BCL2L13: variants seen among roughly 807,000 people sequenced by gnomAD.
BCL2L13 encodes the protein BCL2 like 13, also known as bcl-2-like protein 13.
BCL2L13 carries 13 observed loss-of-function variants against 25.8 expected under a neutral mutation model. The observed-to-expected ratio is 0.50, with a 90% CI of 0.33 to 0.80. BCL2L13 has a LOEUF of 0.80. Ranked by LOEUF, BCL2L13 falls within the 30% of genes least tolerant of loss-of-function variation. The pLI, the probability that BCL2L13 is intolerant of heterozygous loss-of-function variation, is 0.02. For missense variants in BCL2L13, 504 were observed against 574.9 expected, an observed-to-expected ratio of 0.88 and a Z score of 1.26; for synonymous variants, 244 against 230.3, an observed-to-expected ratio of 1.06 and a Z score of -0.54.
intron 1 of BCL2L13, among the ~76,000 whole-genome samples, chr22:17,631,706 A>ATATATT (rs1568904043): frequency 9.1e-5 from 1 of 10,932 alleles, no homozygotes; most frequent in Non-Finnish European, 1.7e-4. Context: ...ATATATATAT[A>ATATATT]TTTTTTTTTT....
chr22:17,666,699 T>TA (rs71201862), intron 2 of BCL2L13, among the ~76,000 whole-genome samples: 3 of 150,756 alleles, frequency 2.0e-5, no homozygotes, highest in Non-Finnish European at 4.4e-5. Context: ...TTTTTTTTTT[T>TA]AAGACAGGGT....
intron 2 of BCL2L13, among the ~76,000 whole-genome samples, chr22:17,667,197 T>A (rs1396228859): frequency 6.6e-6 from 1 of 152,036 alleles, no homozygotes; most frequent in Non-Finnish European, 1.5e-5. Flanking sequence ...TTTAGTTAGT[T>A]TCCCCCCCAA....
At chr22:17,671,627 G>A (rs574720633) in intron 2 of BCL2L13, among the ~76,000 whole-genome samples, 1 of 150,922 alleles carries the variant, frequency 6.6e-6, no homozygotes, top group African/African-American at 2.4e-5. Context: ...CATTTGTTTC[G>A]CCATGTTCCT....
chr22:17,646,953 ATATTTTTTTTTT>A (rs2058508071), intron 1 of BCL2L13, among the ~76,000 whole-genome samples: 2 of 21,634 alleles, frequency 9.2e-5, no homozygotes, highest in South Asian at 2.9e-3. Context: ...ATATATATAT[ATATTTTTTTTTT>A]TTTTTTTTTT....
chr22:17,643,221 A>G (rs1162658867), intron 1 of BCL2L13, among the ~76,000 whole-genome samples: 2 of 152,186 alleles, frequency 1.3e-5, no homozygotes, highest in Non-Finnish European at 2.9e-5. Flanking sequence ...GCTGAGTTTT[A>G]AAAATGATAC....
intron 4 of BCL2L13, 26 bp downstream of exon 4, chr22:17,689,168 T>C: frequency 6.2e-7 from 1 of 1,610,076 alleles, no homozygotes; most frequent in Non-Finnish European, 8.5e-7. Context: ...GAGTGGGATG[T>C]GCTTCTTTAA....
At chr22:17,721,503 T>A (rs1253999950) in intron 6 of BCL2L13, among the ~76,000 whole-genome samples, 4 of 151,120 alleles carry the variant, frequency 2.6e-5, no homozygotes, top group African/African-American at 7.3e-5. Flanking sequence ...TTTTTTTTTT[T>A]AAGTCATGAC....
intron 6 of BCL2L13, among the ~76,000 whole-genome samples, chr22:17,713,792 G>T (rs955029802): frequency 1.3e-5 from 2 of 151,708 alleles, no homozygotes; most frequent in Admixed American, 6.6e-5. Flanking sequence ...TAAACCCATG[G>T]TAAAGTCAAA....
At position 17,649,974 on chromosome 22, in the gene BCL2L13, G is replaced by A. The variant is rs1415312614; in HGVS notation, c.-50-5688G>A. Among the ~76,000 whole-genome samples the A allele has an allele frequency of 7.5e-5, 11 of 146,944 alleles. No individual in the cohort carries two copies. In the Admixed American group the frequency reaches 7.7e-4, roughly 10 times the overall value. ...CAGCCTCCGCCTCCCTGCTCTGAGCGATTCTCCTGCCTCAGCCTCCTGAGT... is the reference window on the plus strand; with the variant it reads ...CAGCCTCCGCCTCCCTGCTCTGAGCAATTCTCCTGCCTCAGCCTCCTGAGT... On this transcript the variant is annotated intron_variant, in intron 1 of 6. Coordinates refer to ENST00000317582, the MANE Select transcript of BCL2L13 (RefSeq NM_015367.4).
intron 4 of BCL2L13, 25 bp from the exon 5 acceptor site, chr22:17,696,116 C>G (rs762793127): frequency 1.3e-6 from 2 of 1,588,684 alleles, no homozygotes; most frequent in Admixed American, 3.3e-5. Context: ...CTTTGTGACA[C>G]AGACTTTTAA....
At chr22:17,643,437 CTT>C (rs1196141915) in intron 1 of BCL2L13, among the ~76,000 whole-genome samples, 1 of 151,724 alleles carries the variant, frequency 6.6e-6, no homozygotes, top group Admixed American at 6.6e-5. Context: ...ATTTTACTCT[CTT>C]TCAGAGAAAG....
intron 1 of BCL2L13, among the ~76,000 whole-genome samples, chr22:17,646,439 G>A (rs1055083508): frequency 6.6e-6 from 1 of 150,964 alleles, no homozygotes; most frequent in African/African-American, 2.5e-5. Context: ...AGTAGTGACG[G>A]TGTTTCATCA....
intron 6 of BCL2L13, among the ~76,000 whole-genome samples, chr22:17,707,966 G>A (rs1388117535): frequency 6.6e-6 from 1 of 152,054 alleles, no homozygotes; most frequent in Non-Finnish European, 1.5e-5. Flanking sequence ...AGGTCTCTGA[G>A]CAATTGTCAA....
At chr22:17,631,708 T>TATATATATA (rs55903424) in intron 1 of BCL2L13, among the ~76,000 whole-genome samples, 1 of 9,570 alleles carries the variant, frequency 1.0e-4, no homozygotes, top group African/African-American at 3.5e-4. Context: ...ATATATATAT[T>TATATATATA]TTTTTTTTTT....
chr22:17,694,817 G>A lies in BCL2L13; in HGVS notation c.387-1324G>A, dbSNP rs1005725090. ...CTGATTTCAAAATGTTAAAATGCAG[G>A]TGGTGGGGAAAATGTGTGTCCCTGA... is the stretch of plus-strand genomic sequence containing the variant. On this transcript the variant is annotated intron_variant, in intron 4 of 6. Coordinates refer to ENST00000317582, the MANE Select transcript of BCL2L13 (RefSeq NM_015367.4). Among the ~76,000 whole-genome samples the A allele has an allele frequency of 8.5e-5, 13 of 152,308 alleles. No individual in the cohort carries two copies. The South Asian group carries it at 1.2e-3, about 15-fold the overall frequency.
At position 17,683,215 on chromosome 22, in the gene BCL2L13, G is replaced by T; in HGVS notation, c.123G>T (p.Gly41=). ...LQEQHLSSPQ[G]VQLDIASQSL... ...AATAACCTTTTTTGTTGCTTTCAGG[G>T]GTTCAACTAGATATAGCTTCACAAT... Residue 41 remains glycine, a splice_region_variant and synonymous_variant, in exon 3 of 7, where the codon GGG becomes GGT. Transcript: ENST00000317582. 1.3e-6 allele frequency: 2 copies of T among 1,510,470 alleles called. No homozygotes were observed. The highest frequency in any genetic ancestry group is 1.8e-6 in the Non-Finnish European group (2 of 1,095,498). 93.6% of individuals were successfully genotyped at this position (1,510,470 alleles called of 1,614,324 possible). A position where few individuals can be genotyped will look rare whatever the true frequency, so the allele number is the denominator to read the frequency against.
chr22:17,638,662 G>A, upstream of BCL2L13: 1 of 1,231,384 alleles, frequency 8.1e-7, no homozygotes, highest in Admixed American at 4.2e-5. Context: ...GGCCTCCGTT[G>A]GTCGGTCCTT....
chr22:17,722,880 G>GT (rs2061186270), intron 6 of BCL2L13, among the ~76,000 whole-genome samples: 1 of 152,036 alleles, frequency 6.6e-6, no homozygotes, highest in South Asian at 2.1e-4. Context: ...ATACTTTGTA[G>GT]TTTTTTATGT....
rs79307050 is a variant in BCL2L13, at chr22:17,630,225, CA to C, written c.-650+1234del. Among the ~76,000 whole-genome samples the C allele has an allele frequency of 2.8e-3, 232 of 81,842 alleles. 2 individuals are homozygous for C. The highest frequency in any genetic ancestry group is 7.9e-3 in the African/African-American group (169 of 21,278). The allele number at this position is 81,842 out of a possible 152,430, so 53.7% of individuals were successfully genotyped here. On this transcript the variant is annotated intron_variant, in intron 1 of 6. Transcript: ENST00000399782. ...AGAGTGAGACTCCGTCTCAAAAAAA[CA>C]AAAAAAAAAAAAACAAATTCCTTTG...
Sources: gnomAD v4.1 joint callset for allele counts (sites outside exome capture counted in the v4.1 genomes callset) on GRCh38, gnomAD v4.1.1 for gene constraint, MANE v1.5 for transcripts, NCBI Gene and HGNC (gene_info 2026-07-23, HGNC 2026-07-21) for gene names.